Variants in WDR81 observed in about 807,000 individuals in gnomAD.
WDR81 encodes WD repeat-containing protein 81.
In WDR81, 92 loss-of-function variants were observed where a neutral mutation model predicts 140.8. The ratio of observed to expected loss-of-function variants is 0.65; its 90% CI spans 0.55 to 0.78. WDR81 has a LOEUF of 0.78. WDR81 is among the 30% of genes least tolerant of loss of function. The probability of loss-of-function intolerance (pLI) is 0.00; values close to 1 mark genes in which losing one functional copy is unlikely to be tolerated. For missense variants in WDR81, 2,502 were observed against 2,636.4 expected (o/e 0.95, Z 1.12); for synonymous variants, 1,183 against 1,156.4 (o/e 1.02, Z -0.47).
At chr17:1,729,876 C>G (rs567079606) in intron 1 of WDR81, among the ~76,000 whole-genome samples, 2 of 151,562 alleles carry the variant, frequency 1.3e-5, no homozygotes, top group Non-Finnish European at 2.9e-5. Context: ...GCAGGAGAAT[C>G]GCTTGAACCC....
intron 1 of WDR81, among the ~76,000 whole-genome samples, chr17:1,730,039 G>A (rs1411628879): frequency 2.6e-5 from 4 of 151,992 alleles, no homozygotes; most frequent in East Asian, 3.8e-4. Flanking sequence ...GGGAAAGGCC[G>A]TTATGGCGAG....
In WDR81 at chr17:1,726,408, G is replaced by C; in HGVS notation, c.1449G>C (p.Met483Ile). 6.5e-7 allele frequency: 1 copy of C among 1,550,350 alleles called. No homozygotes were observed. The highest frequency in any genetic ancestry group is 8.7e-7 in the Non-Finnish European group (1 of 1,146,954). ...PHEYPASMERMQNWTPDECIP... is the reference protein window; with the variant it reads ...PHEYPASMERIQNWTPDECIP... The stretch of plus-strand genomic sequence containing the variant: ...AGTATCCGGCCAGCATGGAGCGGAT[G>C]CAGAACTGGACCCCGGATGAGTGCA... The change falls in exon 1 of 10, where the codon ATG becomes ATC. Residue 483 changes from methionine (M) to isoleucine (I), a missense_variant. Physicochemically the swap from Met to Ile is conservative, Grantham distance 10 (BLOSUM62 1). Coordinates refer to ENST00000409644, the MANE Select transcript of WDR81 (RefSeq NM_001163809.2).
At position 1,727,420 on chromosome 17, in the gene WDR81, G is replaced by T. The variant is rs572270076; in HGVS notation, c.2461G>T (p.Val821Leu). The T allele has an allele frequency of 1.3e-6, 2 of 1,550,254 alleles. No individual in the cohort carries two copies. Among genetic ancestry groups the T allele is most frequent in the African/African-American group, 1.4e-5 (1 of 73,066 alleles). Residue 821 changes from valine (V) to leucine (L), a missense_variant, in exon 1 of 10, where the codon GTG becomes TTG. Val to Leu is a conservative substitution (Grantham distance 32). Coordinates refer to ENST00000409644, the MANE Select transcript of WDR81 (RefSeq NM_001163809.2). The stretch of plus-strand genomic sequence containing the variant: ...GGAGGTCCCTGTGTCTTTGCAGCCC[G>T]TGCTGGACACACTCCTGCAGATGAG... ...PKEVPVSLQPVLDTLLQMSGP... is the reference protein window; with the variant it reads ...PKEVPVSLQPLLDTLLQMSGP...
rs751643116 is a variant in WDR81, at chr17:1,731,134, G to T, written c.4033G>T (p.Ala1345Ser). 10 of 1,613,286 alleles carry T rather than the reference G, an allele frequency of 6.2e-6. No individual in the cohort carries two copies. Among genetic ancestry groups the T allele is most frequent in the Non-Finnish European group, 8.5e-6 (10 of 1,180,016 alleles). ...NSRKEAGLLA[A>S]VTLTQKIIVY... ...CCGTAAGGAGGCGGGGCTGCTGGCC[G>T]CGGTGACGCTGACTCAGAAGATCAT... The change falls in exon 4 of 10, where the codon GCG (alanine) becomes TCG (serine). Residue 1345 changes from alanine to serine, a missense_variant. Ala to Ser is a moderately conservative substitution (Grantham distance 99). Coordinates refer to ENST00000409644, the MANE Select transcript of WDR81 (RefSeq NM_001163809.2).
Position 1,735,892 on chromosome 17 carries a change from T to G in WDR81, c.5326-147T>G. ...TGCGGGGCAGGACTCTGGCCTGTGATGGGGGTGGGGTTCTGGGCTTTTCAT... is the reference window on the plus strand; with the variant it reads ...TGCGGGGCAGGACTCTGGCCTGTGAGGGGGGTGGGGTTCTGGGCTTTTCAT... On this transcript the variant is annotated intron_variant, in intron 8 of 9. Transcript: ENST00000409644. The surrounding 1 kb of genome is among the most constrained non-coding windows in gnomAD (Gnocchi z 4.2). 7.3e-7 allele frequency: 1 copy of G among 1,370,022 alleles called. No homozygotes were observed. The highest frequency in any genetic ancestry group is 9.7e-7 in the Non-Finnish European group (1 of 1,026,654). 84.9% of individuals were successfully genotyped at this position (1,370,022 alleles called of 1,614,324 possible).
chr17:1,737,029 C>A (rs184224713), intron 9 of WDR81, among the ~76,000 whole-genome samples: 30 of 152,326 alleles, frequency 2.0e-4, no homozygotes, highest in Admixed American at 1.0e-3. Context: ...ATGGTTACTT[C>A]ACTTCTCTGA....
intron 1 of WDR81, among the ~76,000 whole-genome samples, chr17:1,729,877 G>T (rs369058667): frequency 5.9e-5 from 9 of 152,102 alleles, no homozygotes; most frequent in Non-Finnish European, 1.3e-4. Context: ...CAGGAGAATC[G>T]CTTGAACCCG....
chr17:1,726,701 T>C lies in WDR81; in HGVS notation c.1742T>C (p.Val581Ala). Residue 581 changes from valine (V) to alanine (A), a missense_variant, in exon 1 of 10, where the codon GTG (valine) becomes GCG (alanine). Val to Ala is a moderately conservative substitution (Grantham distance 64, BLOSUM62 0). Around this residue, in one of 3 missense-constraint regions of WDR81, gnomAD observed 1,737 missense variants for 1,843.0 expected, o/e 0.94. Coordinates refer to ENST00000409644, the MANE Select transcript of WDR81 (RefSeq NM_001163809.2). ...AHTHLASYGV[V>A]QLFDQPHPQR... ...ACTCACCTGGCCAGCTACGGGGTGG[T>C]GCAGCTCTTCGATCAGCCACACCCC... is the stretch of plus-strand genomic sequence containing the variant. 6.5e-7 allele frequency: 1 copy of C among 1,549,426 alleles called. No individual in the cohort carries two copies. The highest frequency in any genetic ancestry group is 1.2e-5 in the South Asian group (1 of 84,058).
intron 1 of WDR81, chr17:1,716,937 G>A: frequency 2.0e-6 from 1 of 505,346 alleles, no homozygotes; most frequent in Non-Finnish European, 3.5e-6. Context: ...CTAACCACAG[G>A]AGGCTTTTTT....
At position 1,728,001 on chromosome 17, in the gene WDR81, C is replaced by T. The variant is rs565863099; in HGVS notation, c.3042C>T (p.Gly1014=). 1.2e-4 allele frequency: 185 copies of T among 1,550,870 alleles called. 1 individual carries two copies. The highest frequency in any genetic ancestry group is 2.0e-4 in the African/African-American group (15 of 73,190). The change falls in exon 1 of 10, where the codon GGC becomes GGT. Residue 1014 remains glycine, a synonymous_variant. Coordinates refer to ENST00000409644, the MANE Select transcript of WDR81 (RefSeq NM_001163809.2). ...LLPHVLQVLA[G]AEASQEESKD... Reference sequence around the variant, plus strand: ...CCCATGTCCTGCAGGTGCTGGCGGGCGCAGAGGCCTCCCAGGAGGAGAGCA... The same window carrying T: ...CCCATGTCCTGCAGGTGCTGGCGGGTGCAGAGGCCTCCCAGGAGGAGAGCA...
In WDR81 at chr17:1,736,100, C is replaced by G. The variant is rs1904837504; in HGVS notation, c.5387C>G (p.Pro1796Arg). Residue 1796 changes from proline (P) to arginine (R), a missense_variant, in exon 9 of 10, where the codon CCC becomes CGC. Transcript: ENST00000409644. ...PGLVRALAIS[P>R]SGRSVVAGFS... ...CTTGTCCGTGCCCTGGCCATCAGCC[C>G]CAGTGGCCGTAGTGTCGTGGCCGGC... is the stretch of plus-strand genomic sequence containing the variant. 6.2e-7 allele frequency: 1 copy of G among 1,602,544 alleles called. No homozygotes were observed. The highest frequency in any genetic ancestry group is 1.7e-4 in the Middle Eastern group (1 of 6,030).
intron 6 of WDR81, 45 bp from the exon 7 acceptor site, chr17:1,733,482 G>C (rs528623585): frequency 6.7e-7 from 1 of 1,493,458 alleles, no homozygotes; most frequent in South Asian, 1.4e-5. Context: ...GATAGCAGCC[G>C]CCTGCCATCT....
chr17:1,721,565 T>C (rs910358512), upstream of WDR81, among the ~76,000 whole-genome samples: 5 of 151,974 alleles, frequency 3.3e-5, no homozygotes, highest in African/African-American at 1.2e-4. Context: ...CTCACACCTG[T>C]AATCCCAGCA....
Position 1,727,804 on chromosome 17 carries a change from G to A in WDR81, c.2845G>A (p.Val949Ile). ...CACGGCCTGGTATCTGTTTGAGCCT[G>A]TTGCCAAGGCACTGGGCCCCAAAAA... The part of the protein sequence containing the change: ...VYTAWYLFEP[V>I]AKALGPKNAN... The change falls in exon 1 of 10, where the codon GTT becomes ATT. Residue 949 changes from valine to isoleucine, a missense_variant. Val to Ile is a conservative substitution (Grantham distance 29). This residue lies in a region of WDR81 where 1,737 missense variants were observed against 1,843.0 expected (regional missense o/e 0.94). Transcript: ENST00000409644. The A allele has an allele frequency of 6.4e-7, 1 of 1,550,700 alleles. No homozygotes were observed. The highest frequency in any genetic ancestry group is 1.2e-5 in the South Asian group (1 of 84,068).
At chr17:1,723,608 C>A (rs1351991248), upstream of WDR81, among the ~76,000 whole-genome samples, 1 of 151,934 alleles carries the variant, frequency 6.6e-6, no homozygotes, top group African/African-American at 2.4e-5. Flanking sequence ...GCCTCAGCTT[C>A]CCAAGTAGCT....
At position 1,730,938 on chromosome 17, in the gene WDR81, G is replaced by A. The variant is rs187688707; in HGVS notation, c.3959G>A (p.Ser1320Asn). The change falls in exon 3 of 10, where the codon AGC becomes AAC. Residue 1320 changes from serine (S) to asparagine (N), a missense_variant. This residue lies in a region of WDR81 where 1,737 missense variants were observed against 1,843.0 expected (regional missense o/e 0.94). Transcript: ENST00000409644. ...VLTYQYLPYI[S>N]YLVAPGSASG... ...ACCTACCAGTACCTGCCCTACATCAGCTACCTGGTCAGTCGCTGGTTTGGC... is the reference window on the plus strand; with the variant it reads ...ACCTACCAGTACCTGCCCTACATCAACTACCTGGTCAGTCGCTGGTTTGGC... The A allele has an allele frequency of 3.1e-6, 5 of 1,612,914 alleles. No homozygotes were observed. The highest frequency in any genetic ancestry group is 1.3e-5 in the African/African-American group (1 of 74,928).
Position 1,736,313 on chromosome 17 carries a change from G to A in WDR81, c.5505+95G>A, listed in dbSNP as rs953658296. The A allele has an allele frequency of 2.3e-5, 32 of 1,413,902 alleles. No individual in the cohort carries two copies. The South Asian group carries it at 3.0e-4, about 13-fold the overall frequency. The allele number at this position is 1,413,902 out of a possible 1,614,324, so 87.6% of individuals were successfully genotyped here. A position where few individuals can be genotyped will look rare whatever the true frequency, so the allele number is the denominator to read the frequency against. ...GGTCTGCCTGCCCGGGTTCAGGCTC[G>A]AACTGGTCTGTCTTATATACCTGGT... On this transcript the variant is annotated intron_variant, in intron 9 of 9. Coordinates refer to ENST00000409644, the MANE Select transcript of WDR81 (RefSeq NM_001163809.2).
chr17:1,730,527 T>C (rs1915620384), intron 2 of WDR81, 40 bp downstream of exon 2: 1 of 1,579,476 alleles, frequency 6.3e-7, no homozygotes, highest in Admixed American at 1.7e-5. Context: ...TGAGGCTTTC[T>C]CCCAGGCCCT....
At chr17:1,718,276 C>T (rs888371369) in intron 1 of WDR81, among the ~76,000 whole-genome samples, 3 of 152,174 alleles carry the variant, frequency 2.0e-5, no homozygotes, top group Non-Finnish European at 4.4e-5. Context: ...CGCTACCACT[C>T]CCAGCTAATT....
Sources: allele counts gnomAD v4.1 joint callset (sites outside exome capture counted in the v4.1 genomes callset), GRCh38; gene constraint gnomAD v4.1.1; regional missense constraint gnomAD v4.1.1; non-coding constraint Gnocchi (gnomAD v3.1); transcripts MANE v1.5; gene names NCBI Gene and HGNC (gene_info 2026-07-23, HGNC 2026-07-21).